TRPM3: variants seen among roughly 807,000 people sequenced by gnomAD.
TRPM3 encodes transient receptor potential cation channel subfamily M member 3.
Under a neutral mutation model 181.2 loss-of-function variants are expected in TRPM3, and 77 were observed. The ratio of observed to expected loss-of-function variants is 0.42; its 90% CI spans 0.35 to 0.51. The LOEUF is 0.51. Ranked by LOEUF, TRPM3 falls within the 20% of genes least tolerant of loss-of-function variation. TRPM3 has a pLI of 0.01. For missense variants in TRPM3, 1,759 were observed against 2,196.7 expected (o/e 0.80, Z 3.98); for synonymous variants, 745 against 796.4 (o/e 0.94, Z 1.09).
At chr9:71,200,969 C>T (rs1400481699) in intron 1 of TRPM3, among the ~76,000 whole-genome samples, 9 of 151,610 alleles carry the variant, frequency 5.9e-5, no homozygotes, top group Admixed American at 1.3e-4. Flanking sequence ...TTCCTAGCCT[C>T]GATGGTCTTT....
intron 7 of TRPM3, among the ~76,000 whole-genome samples, chr9:70,777,952 T>C: frequency 6.6e-6 from 1 of 151,564 alleles, no homozygotes; most frequent in East Asian, 1.9e-4. Flanking sequence ...GTAATCTTAT[T>C]GGATTAATTT....
chr9:71,126,788 C>T (rs1420258992), intron 1 of TRPM3, among the ~76,000 whole-genome samples: 2 of 152,198 alleles, frequency 1.3e-5, no homozygotes, highest in South Asian at 2.1e-4. Context: ...TCTCTGACTG[C>T]TGTCCACCCT....
At position 70,915,546 on chromosome 9, in the gene TRPM3, CT is replaced by C. The variant is rs2096585301; in HGVS notation, c.178-51036del. 3.3e-5 allele frequency among the ~76,000 whole-genome samples: 5 copies of C among 151,198 alleles called. No homozygotes were observed. The South Asian group carries it at 6.3e-4, about 19-fold the overall frequency. ...GGTCTTGATCTCCTGACTTTGTGAT[CT>C]GCCCGCCTTGGCCTCCCACAGTGCT... is the stretch of plus-strand genomic sequence containing the variant. On this transcript the variant is annotated intron_variant, in intron 1 of 25. Coordinates refer to ENST00000677713, the MANE Select transcript of TRPM3 (RefSeq NM_001366145.2).
intron 8 of TRPM3, among the ~76,000 whole-genome samples, chr9:70,686,698 C>CTTCCTTCT (rs2066940774): frequency 1.2e-5 from 1 of 80,320 alleles, no homozygotes; most frequent in Non-Finnish European, 2.7e-5. Context: ...TCCTTCCTTC[C>CTTCCTTCT]TTCCTTCCTT....
intron 1 of TRPM3, among the ~76,000 whole-genome samples, chr9:71,331,886 A>T: frequency 1.3e-4 from 1 of 7,590 alleles, no homozygotes; most frequent in Non-Finnish European, 2.1e-4. Context: ...AAGAGGAGGA[A>T]GAAGGGGAGG....
At chr9:71,038,963 A>G (rs2058515281) in intron 1 of TRPM3, among the ~76,000 whole-genome samples, 1 of 152,158 alleles carries the variant, frequency 6.6e-6, no homozygotes. Flanking sequence ...TCACTATTTG[A>G]CCCTGTCCTC....
chr9:71,051,821 C>T (rs1213577844), intron 1 of TRPM3, among the ~76,000 whole-genome samples: 1 of 152,014 alleles, frequency 6.6e-6, no homozygotes, highest in Non-Finnish European at 1.5e-5. Context: ...TAGTTCTATA[C>T]AACATCTTCT....
At chr9:71,296,837 G>A (rs1284113444) in intron 1 of TRPM3, among the ~76,000 whole-genome samples, 2 of 152,090 alleles carry the variant, frequency 1.3e-5, no homozygotes, top group South Asian at 4.1e-4. Flanking sequence ...AAGTAGAAGA[G>A]AAAGAACTTA....
Position 71,039,138 on chromosome 9 carries a change from G to C in TRPM3, c.177+82040C>G, listed in dbSNP as rs530785474. On this transcript the variant is annotated intron_variant, in intron 1 of 25. Transcript: ENST00000677713. The stretch of plus-strand genomic sequence containing the variant: ...CACCGATTCTGGCACTCTCATGGAA[G>C]CCAGTGTGGTCAGCGTGGTGTATGG... 2.6e-5 allele frequency among the ~76,000 whole-genome samples: 4 copies of C among 152,284 alleles called. No individual in the cohort carries two copies. In the South Asian group the frequency reaches 8.3e-4, roughly 32 times the overall value.
chr9:71,135,684 TG>T (rs1172876176), intron 1 of TRPM3, among the ~76,000 whole-genome samples: 3 of 152,102 alleles, frequency 2.0e-5, no homozygotes, highest in Non-Finnish European at 4.4e-5. Context: ...TAGAACATTG[TG>T]GGATTATGGA....
intron 1 of TRPM3, among the ~76,000 whole-genome samples, chr9:71,159,184 TG>T (rs1240921200): frequency 6.6e-6 from 1 of 151,972 alleles, no homozygotes; most frequent in Non-Finnish European, 1.5e-5. Flanking sequence ...GGTGTGTGTG[TG>T]GGTATGTATG....
At chr9:70,757,703 A>C (rs1479692053) in intron 8 of TRPM3, among the ~76,000 whole-genome samples, 1 of 152,214 alleles carries the variant, frequency 6.6e-6, no homozygotes, top group Non-Finnish European at 1.5e-5. Context: ...ATAATCCAAC[A>C]CATAAACAGA....
intron 1 of TRPM3, among the ~76,000 whole-genome samples, chr9:71,226,019 A>T (rs2080611538): frequency 7.1e-6 from 1 of 141,754 alleles, no homozygotes; most frequent in Admixed American, 7.1e-5. Flanking sequence ...TAAAAAAAAA[A>T]AAAAAAAAAA....
intron 1 of TRPM3, among the ~76,000 whole-genome samples, chr9:71,192,675 C>T (rs2078106636): frequency 6.6e-6 from 1 of 151,770 alleles, no homozygotes; most frequent in South Asian, 2.1e-4. Flanking sequence ...AGATATATGG[C>T]TTGAAAATAT....
chr9:70,560,030 G>T (rs1239798458), intron 22 of TRPM3, among the ~76,000 whole-genome samples: 1 of 152,182 alleles, frequency 6.6e-6, no homozygotes, highest in East Asian at 1.9e-4. Context: ...ATCGTCAAAA[G>T]TGAAGGAGAG....
intron 1 of TRPM3, among the ~76,000 whole-genome samples, chr9:71,028,296 G>A (rs2056839419): frequency 6.6e-6 from 1 of 152,044 alleles, no homozygotes; most frequent in African/African-American, 2.4e-5. Flanking sequence ...CAGACTTGCC[G>A]TATAAGAGCC....
intron 1 of TRPM3, among the ~76,000 whole-genome samples, chr9:71,179,523 C>A (rs1250717958): frequency 1.3e-5 from 2 of 152,118 alleles, no homozygotes; most frequent in Non-Finnish European, 2.9e-5. Flanking sequence ...GGAAGAGTCA[C>A]TATTGGCTGG....
At chr9:70,695,685 T>C (rs2134549907) in intron 8 of TRPM3, among the ~76,000 whole-genome samples, 1 of 152,364 alleles carries the variant, frequency 6.6e-6, no homozygotes, top group East Asian at 1.9e-4. Context: ...ACAACATTAC[T>C]AATGGTCACT....
chr9:70,598,644 C>G lies in TRPM3; in HGVS notation c.2823G>C (p.Leu941Phe). ...REILMSEPGK[L>F]LQKVKVWLQE... ...GCAGCCATACCTTCACTTTCTGTAGCAACTTCCCTGGCTCTGACATCAGAA... is the reference window on the plus strand; with the variant it reads ...GCAGCCATACCTTCACTTTCTGTAGGAACTTCCCTGGCTCTGACATCAGAA... Residue 941 changes from leucine (L) to phenylalanine (F), a missense_variant, in exon 21 of 26, where the codon TTG (leucine) becomes TTC (phenylalanine). Around this residue, in one of 8 missense-constraint regions of TRPM3, gnomAD observed 100 missense variants for 123.0 expected, o/e 0.81. Coordinates refer to ENST00000677713, the MANE Select transcript of TRPM3 (RefSeq NM_001366145.2). 6.2e-7 allele frequency: 1 copy of G among 1,614,038 alleles called. No individual in the cohort carries two copies. Among genetic ancestry groups the G allele is most frequent in the Non-Finnish European group, 8.5e-7 (1 of 1,179,900 alleles).
Sources: gnomAD v4.1 joint callset for allele counts (sites outside exome capture counted in the v4.1 genomes callset) on GRCh38, gnomAD v4.1.1 for gene constraint, gnomAD v4.1.1 regional missense constraint, MANE v1.5 for transcripts, NCBI Gene and HGNC (gene_info 2026-07-23, HGNC 2026-07-21) for gene names.